TRIP11: variants seen among roughly 807,000 people sequenced by gnomAD.
The protein encoded by TRIP11 is thyroid hormone receptor interactor 11.
TRIP11 carries 148 observed loss-of-function variants against 223.1 expected under a neutral mutation model. The ratio of observed to expected loss-of-function variants is 0.66; its 90% CI spans 0.58 to 0.76. The LOEUF is 0.76. Among genes scored for constraint, TRIP11 ranks in the 30% least tolerant of loss-of-function variants. The probability of loss-of-function intolerance (pLI) is 0.00; values close to 1 mark genes in which losing one functional copy is unlikely to be tolerated. For synonymous variants in TRIP11, 762 were observed against 772.6 expected, an observed-to-expected ratio of 0.99 and a Z score of 0.23; for missense variants, 2,043 against 2,222.0, an observed-to-expected ratio of 0.92 and a Z score of 1.62.
At chr14:91,995,591 C>A in intron 13 of TRIP11, 76 bp from the exon 14 acceptor site, 51 of 1,383,910 alleles carry the variant, frequency 3.7e-5, no homozygotes, top group Non-Finnish European at 5.0e-5. Flanking sequence ...ACCTTCCCTA[C>A]ATCTTATTAC....
chr14:91,975,346 T>A, intron 17 of TRIP11, 60 bp from the exon 18 acceptor site: 1 of 1,087,600 alleles, frequency 9.2e-7, no homozygotes, highest in Non-Finnish European at 1.4e-6. Context: ...ACTCAAACAC[T>A]AAGCATAGAA....
At chr14:92,011,107 A>AGTTT in intron 8 of TRIP11, 35 bp from the exon 9 acceptor site, 1 of 1,596,670 alleles carries the variant, frequency 6.3e-7, no homozygotes. Flanking sequence ...TTCAGGTAAC[A>AGTTT]AGAAATTTCC....
chr14:91,969,602 G>T lies in TRIP11; in HGVS notation c.*71C>A. 1 of 1,478,458 alleles carries T rather than the reference G, an allele frequency of 6.8e-7. No homozygotes were observed. Among genetic ancestry groups the T allele is most frequent in the Non-Finnish European group, 9.4e-7 (1 of 1,059,076 alleles). The allele number at this position is 1,478,458 out of a possible 1,614,324, so 91.6% of individuals were successfully genotyped here. On this transcript the variant is annotated 3_prime_UTR_variant, in exon 21 of 21. Coordinates refer to ENST00000267622, the MANE Select transcript of TRIP11 (RefSeq NM_004239.4). Reference sequence around the variant, plus strand: ...TGACTTTCTCCCCAAAGGCCACTTTGTGATAAAGTACATACATATAGTGTT... The same window carrying T: ...TGACTTTCTCCCCAAAGGCCACTTTTTGATAAAGTACATACATATAGTGTT...
At position 91,988,286 on chromosome 14, in the gene TRIP11, T is replaced by C; in HGVS notation, c.5258A>G (p.Gln1753Arg). ...AAAATGAAAAGAAAAAAACCTACTT[T>C]GTCTTTTAAGTTCTTCAATTTGTTC... ...KEEQIEELKR[Q>R]NELRQEMLDD... is the part of the protein sequence containing the mutation. The change falls in exon 16 of 21, where the codon CAA becomes CGA. Residue 1753 changes from glutamine (Q) to arginine (R), a missense_variant and splice_region_variant. By Grantham distance (43) the Gln-to-Arg change is conservative. Transcript: ENST00000267622. 6.2e-7 allele frequency: 1 copy of C among 1,609,216 alleles called. No homozygotes were observed.
intron 16 of TRIP11, among the ~76,000 whole-genome samples, chr14:91,987,288 CATCT>C (rs2056615203): frequency 6.6e-6 from 1 of 151,916 alleles, no homozygotes; most frequent in Non-Finnish European, 1.5e-5. Flanking sequence ...AATTACTTCA[CATCT>C]ATCTTTTTTT....
intron 17 of TRIP11, among the ~76,000 whole-genome samples, chr14:91,975,905 G>GAA (rs150579897): frequency 6.6e-6 from 1 of 151,964 alleles, no homozygotes; most frequent in East Asian, 1.9e-4. Flanking sequence ...GAATGAGCTG[G>GAA]AAAAAAATCC....
intron 3 of TRIP11, among the ~76,000 whole-genome samples, chr14:92,022,377 A>G (rs777218877): frequency 2.0e-5 from 3 of 152,248 alleles, no homozygotes; most frequent in Non-Finnish European, 4.4e-5. Context: ...TTTAGATAAG[A>G]TAACAGTGAA....
chr14:92,017,627 T>C, intron 5 of TRIP11, 55 bp downstream of exon 5: 1 of 1,382,128 alleles, frequency 7.2e-7, no homozygotes. Context: ...GCCTATGCTT[T>C]TAATAAGCAG....
At chr14:92,007,287 G>A (rs2056917218) in intron 10 of TRIP11, among the ~76,000 whole-genome samples, 1 of 152,182 alleles carries the variant, frequency 6.6e-6, no homozygotes, top group Non-Finnish European at 1.5e-5. Context: ...GCCTCCCAAA[G>A]TGCTAGGATG....
chr14:92,012,772 A>C (rs978439282), intron 7 of TRIP11, among the ~76,000 whole-genome samples: 1 of 152,232 alleles, frequency 6.6e-6, no homozygotes, highest in African/African-American at 2.4e-5. Flanking sequence ...GGAATAGTTG[A>C]AACTGAAGAG....
chr14:91,994,309 G>A (rs1208911107), intron 14 of TRIP11, among the ~76,000 whole-genome samples: 1 of 142,838 alleles, frequency 7.0e-6, no homozygotes, highest in Non-Finnish European at 1.5e-5. Flanking sequence ...CACCCAGGCT[G>A]GAGTGCAGTG....
intron 9 of TRIP11, among the ~76,000 whole-genome samples, chr14:92,009,943 C>T (rs1034229832): frequency 3.9e-5 from 6 of 152,180 alleles, no homozygotes; most frequent in African/African-American, 1.2e-4. Context: ...TCTACTTGTA[C>T]TATCCGAAGG....
chr14:92,021,739 A>C lies in TRIP11; in HGVS notation c.405T>G (p.Ala135=). ...ATGATGCAGTGGTTGCTGGTACACC[A>C]GCTCCTGAAGGTACTGACTGAGCAG... ...QSAAQSVPSG[A]GVPATTASSS... The change falls in exon 4 of 21, where the codon GCT becomes GCG. Residue 135 remains alanine, a synonymous_variant. Coordinates refer to ENST00000267622, the MANE Select transcript of TRIP11 (RefSeq NM_004239.4). 1 of 1,614,182 alleles carries C rather than the reference A, an allele frequency of 6.2e-7. No homozygotes were observed. The highest frequency in any genetic ancestry group is 8.5e-7 in the Non-Finnish European group (1 of 1,180,024).
chr14:92,026,037 C>T (rs755646655), intron 2 of TRIP11, among the ~76,000 whole-genome samples: 1 of 152,200 alleles, frequency 6.6e-6, no homozygotes, highest in Admixed American at 6.5e-5. Context: ...AGTTCTAGCA[C>T]ACAGCAGTCA....
At chr14:91,982,713 C>T (rs1027166386) in intron 16 of TRIP11, among the ~76,000 whole-genome samples, 1 of 152,230 alleles carries the variant, frequency 6.6e-6, no homozygotes, top group Admixed American at 6.5e-5. Context: ...GGCCCACATT[C>T]CTGCATGGCA....
chr14:91,990,696 G>T (rs2056660500), intron 15 of TRIP11, among the ~76,000 whole-genome samples: 1 of 152,136 alleles, frequency 6.6e-6, no homozygotes, highest in South Asian at 2.1e-4. Flanking sequence ...AGAAAAAAAT[G>T]CCAGGCATAG....
intron 20 of TRIP11, among the ~76,000 whole-genome samples, chr14:91,972,301 G>C (rs1205694637): frequency 1.3e-5 from 2 of 152,106 alleles, no homozygotes; most frequent in Non-Finnish European, 2.9e-5. Context: ...ATTTTCAAAG[G>C]AGAAAAACCC....
chr14:92,005,154 T>C lies in TRIP11; in HGVS notation c.2822A>G (p.Asp941Gly), dbSNP rs143348156. Residue 941 changes from aspartate to glycine, a missense_variant, in exon 11 of 21, where the codon GAT (aspartate) becomes GGT (glycine). Coordinates refer to ENST00000267622, the MANE Select transcript of TRIP11 (RefSeq NM_004239.4). Reference protein sequence around the residue: ...QSLQEQKKEMDEFRYQHEQMN... With the variant: ...QSLQEQKKEMGEFRYQHEQMN... ...TTGCTCATGCTGGTATCTAAACTCATCCATTTCCTTCTTTTGCTCTTGTAA... is the reference window on the plus strand; with the variant it reads ...TTGCTCATGCTGGTATCTAAACTCACCCATTTCCTTCTTTTGCTCTTGTAA... 1.1e-5 allele frequency: 18 copies of C among 1,613,642 alleles called. No individual in the cohort carries two copies. The highest frequency in any genetic ancestry group is 1.4e-5 in the Non-Finnish European group (17 of 1,180,036).
At chr14:92,002,898 A>G (rs1420884818) in intron 11 of TRIP11, among the ~76,000 whole-genome samples, 2 of 152,036 alleles carry the variant, frequency 1.3e-5, no homozygotes, top group Admixed American at 1.3e-4. Context: ...TCTTTTTCAA[A>G]CAGAGTATCA....
Sources: gnomAD v4.1 joint callset for allele counts (sites outside exome capture counted in the v4.1 genomes callset) on GRCh38, gnomAD v4.1.1 for gene constraint, MANE v1.5 for transcripts, NCBI Gene and HGNC (gene_info 2026-07-23, HGNC 2026-07-21) for gene names.